SBF2: variants seen among roughly 807,000 people sequenced by gnomAD.
SBF2 encodes SET binding factor 2.
A neutral mutation model predicts 225.2 loss-of-function variants in SBF2; 112 were observed. That is an observed-to-expected ratio of 0.50 (90% CI 0.43 to 0.58). The LOEUF (loss-of-function observed/expected upper bound fraction) is 0.58, where lower values mean the gene tolerates loss of function less well. SBF2 is among the 20% of genes least tolerant of loss of function. The probability of loss-of-function intolerance (pLI) is 0.00; values close to 1 mark genes in which losing one functional copy is unlikely to be tolerated. For synonymous variants in SBF2, 763 were observed against 773.3 expected (o/e 0.99, Z 0.22); for missense variants, 1,996 against 2,206.2 (o/e 0.90, Z 1.91).
chr11:10,100,484 A>G (rs866906893), intron 2 of SBF2, among the ~76,000 whole-genome samples: 4 of 152,224 alleles, frequency 2.6e-5, no homozygotes, highest in African/African-American at 9.6e-5. Flanking sequence ...TGCCAATCCA[A>G]TGTGCATGAA....
intron 27 of SBF2, 129 bp downstream of exon 27, chr11:9,832,095 G>A (rs1855435191): frequency 5.1e-6 from 4 of 782,574 alleles, no homozygotes; most frequent in Non-Finnish European, 8.8e-6. Context: ...GTTGCATGTA[G>A]CAAAGTGGAA....
intron 2 of SBF2, among the ~76,000 whole-genome samples, chr11:10,163,737 T>A (rs554793786): frequency 3.4e-4 from 52 of 152,136 alleles, no homozygotes; most frequent in Non-Finnish European, 6.3e-4. Flanking sequence ...ATCAAATGAC[T>A]TAATATACAT....
intron 13 of SBF2, among the ~76,000 whole-genome samples, chr11:9,971,400 G>A (rs1590644349): frequency 6.6e-6 from 1 of 151,898 alleles, no homozygotes; most frequent in African/African-American, 2.4e-5. Flanking sequence ...GCATTGGCCA[G>A]GCACAGTGTC....
At chr11:10,142,055 C>T (rs1359042714) in intron 2 of SBF2, among the ~76,000 whole-genome samples, 2 of 152,112 alleles carry the variant, frequency 1.3e-5, no homozygotes, top group Admixed American at 1.3e-4. Context: ...TACTGCAATT[C>T]TGAGAAGAAG....
At position 9,851,162 on chromosome 11, in the gene SBF2, A is replaced by G. The variant is rs1856923596; in HGVS notation, c.2611-944T>C. Reference sequence around the variant, plus strand: ...AAAAAAAAAAAAACAACAACAAAAAAAAACCCAGAATACATAGATTAGTTA... The same window carrying G: ...AAAAAAAAAAAAACAACAACAAAAAGAAACCCAGAATACATAGATTAGTTA... On this transcript the variant is annotated intron_variant, in intron 21 of 39. Transcript: ENST00000256190. Among the ~76,000 whole-genome samples the G allele has an allele frequency of 2.0e-5, 3 of 151,614 alleles. 1 individual carries two copies. The highest frequency in any genetic ancestry group is 7.3e-5 in the African/African-American group (3 of 41,360).
intron 15 of SBF2, among the ~76,000 whole-genome samples, chr11:9,962,679 G>A (rs1012129134): frequency 6.6e-6 from 1 of 152,058 alleles, no homozygotes; most frequent in Non-Finnish European, 1.5e-5. Flanking sequence ...AACTCTTTTC[G>A]CTTTACAACA....
At chr11:9,826,556 A>ACC (rs1855071749) in intron 28 of SBF2, among the ~76,000 whole-genome samples, 5 of 152,066 alleles carry the variant, frequency 3.3e-5, no homozygotes, top group South Asian at 4.1e-4. Context: ...ACCTCAGAGG[A>ACC]TAGAGCTAGG....
intron 2 of SBF2, among the ~76,000 whole-genome samples, chr11:10,127,280 T>C (rs1447874273): frequency 1.3e-5 from 2 of 152,146 alleles, no homozygotes; most frequent in East Asian, 3.8e-4. Flanking sequence ...CATAATTAGT[T>C]TGAAATGTTT....
rs12294275 is a variant in SBF2 at position 9,936,916 on chromosome 11, T to C, written c.1860+25041A>G. Among the ~76,000 whole-genome samples the C allele has an allele frequency of 3.9e-3, 598 of 152,178 alleles. 5 individuals carry two copies. Among genetic ancestry groups the C allele is most frequent in the Non-Finnish European group, 6.7e-3 (453 of 67,986 alleles). On this transcript the variant is annotated intron_variant, in intron 16 of 39. Coordinates refer to ENST00000256190, the MANE Select transcript of SBF2 (RefSeq NM_030962.4). ...GAGAGCAAGAACTCCTTTACTCCCT[T>C]GAGGATTAACTCAGTTAAGAAAGAG...
At chr11:10,236,816 T>A (rs1959095635) in intron 1 of SBF2, among the ~76,000 whole-genome samples, 1 of 152,210 alleles carries the variant, frequency 6.6e-6, no homozygotes, top group South Asian at 2.1e-4. Flanking sequence ...CAAATTACTT[T>A]CATTTCTAGT....
intron 2 of SBF2, among the ~76,000 whole-genome samples, chr11:10,165,828 ATATG>A (rs1955925892): frequency 6.6e-6 from 1 of 152,124 alleles, no homozygotes; most frequent in South Asian, 2.1e-4. Context: ...AGGAATTTGA[ATATG>A]TATGTATTTT....
intron 2 of SBF2, among the ~76,000 whole-genome samples, chr11:10,180,697 A>G (rs1565326271): frequency 6.6e-6 from 1 of 152,276 alleles, no homozygotes; most frequent in East Asian, 1.9e-4. Context: ...TTTAAGGCCA[A>G]TAACTCTTAG....
chr11:10,045,253 C>T (rs892568780), intron 2 of SBF2, among the ~76,000 whole-genome samples: 3 of 151,872 alleles, frequency 2.0e-5, no homozygotes, highest in East Asian at 1.9e-4. Context: ...CTGCAACCTC[C>T]GCCTCCTGGG....
At chr11:9,841,251 G>C (rs1856115311) in intron 25 of SBF2, among the ~76,000 whole-genome samples, 1 of 152,078 alleles carries the variant, frequency 6.6e-6, no homozygotes, top group Non-Finnish European at 1.5e-5. Context: ...GAGGAGCAAA[G>C]AACATTATAT....
intron 2 of SBF2, among the ~76,000 whole-genome samples, chr11:10,172,346 G>C (rs1339709151): frequency 6.6e-6 from 1 of 151,378 alleles, no homozygotes; most frequent in African/African-American, 2.4e-5. Context: ...ATTATTGTTT[G>C]TTTCAAAAAA....
At chr11:10,240,798 A>G (rs1379684604) in intron 1 of SBF2, among the ~76,000 whole-genome samples, 1 of 152,120 alleles carries the variant, frequency 6.6e-6, no homozygotes, top group Non-Finnish European at 1.5e-5. Context: ...CATTTGAAAA[A>G]CACTTATTAT....
rs545337380 is a variant in SBF2, at chr11:9,892,071, T to C, written c.1929+3872A>G. ...AAGTGAAAGAATCAAGGTGTGAAAA[T>C]AGAGTAAATGGTTTGTTTTTGTTAA... On this transcript the variant is annotated intron_variant, in intron 17 of 39. Transcript: ENST00000256190. 6.6e-5 allele frequency among the ~76,000 whole-genome samples: 10 copies of C among 152,246 alleles called. No homozygotes were observed. The East Asian group carries it at 1.9e-3, about 29-fold the overall frequency.
At chr11:10,066,759 G>C (rs997109308) in intron 2 of SBF2, among the ~76,000 whole-genome samples, 3 of 152,114 alleles carry the variant, frequency 2.0e-5, no homozygotes, top group African/African-American at 7.2e-5. Flanking sequence ...TTGTGCTCCA[G>C]GTTCTAGCCT....
At chr11:10,019,526 T>C (rs1224868267) in intron 6 of SBF2, among the ~76,000 whole-genome samples, 1 of 152,190 alleles carries the variant, frequency 6.6e-6, no homozygotes, top group African/African-American at 2.4e-5. Context: ...TATGTTTTTA[T>C]GATAGGAGAG....
Sources: allele counts gnomAD v4.1 joint callset (sites outside exome capture counted in the v4.1 genomes callset), GRCh38; gene constraint gnomAD v4.1.1; transcripts MANE v1.5; gene names NCBI Gene and HGNC (gene_info 2026-07-23, HGNC 2026-07-21).